The following ANKRD40 variants were observed in gnomAD, a reference collection of about 807,000 sequenced individuals.
ANKRD40 encodes the protein ankyrin repeat domain 40.
Under a neutral mutation model 35.5 loss-of-function variants are expected in ANKRD40, and 24 were observed. The observed-to-expected ratio is 0.68, with a 90% CI of 0.49 to 0.95. ANKRD40 has a LOEUF of 0.95. Ranked by LOEUF, ANKRD40 falls within the 40% of genes least tolerant of loss-of-function variation. The pLI is 0.00. For missense variants in ANKRD40, 361 were observed against 436.0 expected (o/e 0.83, Z 1.53); for synonymous variants, 147 against 173.5 (o/e 0.85, Z 1.20).
chr17:50,697,237 T>G, intron 3 of ANKRD40, 116 bp from the exon 4 acceptor site: 4 of 997,980 alleles, frequency 4.0e-6, no homozygotes, highest in Non-Finnish European at 5.7e-6. Context: ...TGTGCATGAT[T>G]AACAGACCTG....
chr17:50,697,158 G>T, intron 3 of ANKRD40, 37 bp from the exon 4 acceptor site: 2 of 1,557,426 alleles, frequency 1.3e-6, no homozygotes, highest in Non-Finnish European at 8.8e-7. Context: ...GAATAGTTCT[G>T]GCACAGCACA....
intron 3 of ANKRD40, among the ~76,000 whole-genome samples, chr17:50,697,796 C>G (rs1187107288): frequency 6.6e-6 from 1 of 152,096 alleles, no homozygotes; most frequent in Admixed American, 6.6e-5. Context: ...GCTTTGTTCC[C>G]TGTATATGAA....
Position 50,694,488 on chromosome 17 carries a change from A to G in ANKRD40, c.*1509T>C, listed in dbSNP as rs1163938201. 1 of 152,232 alleles carries G rather than the reference A, an allele frequency of 6.6e-6. No individual in the cohort carries two copies. Among genetic ancestry groups the G allele is most frequent in the Non-Finnish European group, 1.5e-5 (1 of 68,036 alleles). 9.4% of individuals were successfully genotyped at this position (152,232 alleles called of 1,614,324 possible). On this transcript the variant is annotated 3_prime_UTR_variant, in exon 5 of 5. Coordinates refer to ENST00000285243, the MANE Select transcript of ANKRD40 (RefSeq NM_052855.4). ...TTTGGAAACTATAGGCACTATGGGG[A>G]AAAAGCTTCTTAAGACAGCAGGGAT... is the stretch of plus-strand genomic sequence containing the variant.
At position 50,699,402 on chromosome 17, in the gene ANKRD40, G is replaced by T; in HGVS notation, c.775C>A (p.Gln259Lys). ...FFTGAFPFNM[Q>K]ELVLKVRIQN... is the part of the protein sequence containing the mutation. ...CTGTTTGCTGATGAGGGGTTACCTTGCATATTAAATGGAAATGCTCCAGTG... is the reference window on the plus strand; with the variant it reads ...CTGTTTGCTGATGAGGGGTTACCTTTCATATTAAATGGAAATGCTCCAGTG... The change falls in exon 3 of 5, where the codon CAA (glutamine) becomes AAA (lysine). Residue 259 changes from glutamine to lysine, a missense_variant. Gln to Lys is a moderately conservative substitution (Grantham distance 53, BLOSUM62 1). Around this residue, in one of 5 missense-constraint regions of ANKRD40, gnomAD observed 93 missense variants for 129.6 expected, o/e 0.72. Coordinates refer to ENST00000285243, the MANE Select transcript of ANKRD40 (RefSeq NM_052855.4). 3 of 1,613,232 alleles carry T rather than the reference G, an allele frequency of 1.9e-6. No individual in the cohort carries two copies. The highest frequency in any genetic ancestry group is 2.5e-6 in the Non-Finnish European group (3 of 1,179,326).
At chr17:50,700,324 T>C in intron 2 of ANKRD40, 1 of 372,562 alleles carries the variant, frequency 2.7e-6, no homozygotes, top group Non-Finnish European at 4.8e-6. Context: ...ATGCCTGTAA[T>C]CCTAGCTACT....
Position 50,700,610 on chromosome 17 carries a change from C to T in ANKRD40, c.241G>A (p.Val81Ile). 6.2e-7 allele frequency: 1 copy of T among 1,614,118 alleles called. No individual in the cohort carries two copies. The highest frequency in any genetic ancestry group is 8.5e-7 in the Non-Finnish European group (1 of 1,180,032). ...EILTTKGEMP[V>I]QLTSRREIRK... ...ATTTCTCTCCTTGATGTTAACTGGA[C>T]TGGCATTTCTCCTTTTGTGGTAAGA... The change falls in exon 2 of 5, where the codon GTC becomes ATC. Residue 81 changes from valine to isoleucine, a missense_variant. By Grantham distance (29) the Val-to-Ile change is conservative. Coordinates refer to ENST00000285243, the MANE Select transcript of ANKRD40 (RefSeq NM_052855.4).
At chr17:50,699,154 G>A (rs747729353) in intron 3 of ANKRD40, among the ~76,000 whole-genome samples, 1 of 151,940 alleles carries the variant, frequency 6.6e-6, no homozygotes, top group African/African-American at 2.4e-5. Flanking sequence ...GCGAAGCTAC[G>A]TCTCAATAAA....
chr17:50,704,036 G>A (rs1255434741), intron 1 of ANKRD40, among the ~76,000 whole-genome samples: 1 of 151,910 alleles, frequency 6.6e-6, no homozygotes, highest in Non-Finnish European at 1.5e-5. Context: ...CTGACTGGAT[G>A]TCGGCTATGA....
chr17:50,697,261 C>A, intron 3 of ANKRD40, 140 bp from the exon 4 acceptor site: 1 of 816,206 alleles, frequency 1.2e-6, no homozygotes, highest in Non-Finnish European at 1.8e-6. Flanking sequence ...GGTGGGAAAA[C>A]CAAGTGCAGC....
chr17:50,699,281 A>T (rs777907118), intron 3 of ANKRD40, 118 bp downstream of exon 3: 36 of 1,353,308 alleles, frequency 2.7e-5, no homozygotes, highest in Non-Finnish European at 3.5e-5. Flanking sequence ...GGAGTTCCTT[A>T]TGTTAGTCAT....
chr17:50,698,835 TG>T (rs1968230007), intron 3 of ANKRD40, among the ~76,000 whole-genome samples: 1 of 152,016 alleles, frequency 6.6e-6, no homozygotes, highest in Admixed American at 6.6e-5. Context: ...TCATTTGTAC[TG>T]TAGTTATATA....
chr17:50,700,462 A>G (rs974569059), intron 2 of ANKRD40, 106 bp downstream of exon 2: 1 of 1,192,726 alleles, frequency 8.4e-7, no homozygotes, highest in Admixed American at 2.6e-5. Flanking sequence ...AAAAAAAAAG[A>G]AAGAAATAGA....
At chr17:50,704,441 A>T (rs1194687326) in intron 1 of ANKRD40, among the ~76,000 whole-genome samples, 1 of 145,820 alleles carries the variant, frequency 6.9e-6, no homozygotes, top group African/African-American at 2.6e-5. Context: ...GCTTGAACCC[A>T]GGAGGTGGAG....
chr17:50,696,468 T>C (rs759767907), intron 4 of ANKRD40, among the ~76,000 whole-genome samples: 2 of 152,220 alleles, frequency 1.3e-5, no homozygotes, highest in Non-Finnish European at 2.9e-5. Flanking sequence ...GGACCACACA[T>C]GCATCTATGT....
intron 4 of ANKRD40, chr17:50,696,604 G>C: frequency 4.2e-6 from 1 of 238,022 alleles, no homozygotes; most frequent in Non-Finnish European, 8.1e-6. Context: ...TGATAATTCA[G>C]AAACTTCTCT....
At chr17:50,704,129 C>T (rs1022490361) in intron 1 of ANKRD40, among the ~76,000 whole-genome samples, 1 of 151,878 alleles carries the variant, frequency 6.6e-6, no homozygotes, top group African/African-American at 2.4e-5. Flanking sequence ...CTCAGAGGAG[C>T]AGGCTTGAGG....
rs758825406 is a variant in ANKRD40, at chr17:50,697,007, C to T, written c.893G>A (p.Cys298Tyr). 1 of 1,614,112 alleles carries T rather than the reference C, an allele frequency of 6.2e-7. No homozygotes were observed. Among genetic ancestry groups the T allele is most frequent in the Non-Finnish European group, 8.5e-7 (1 of 1,179,990 alleles). The change falls in exon 4 of 5, where the codon TGT becomes TAT. Residue 298 changes from cysteine to tyrosine, a missense_variant. Physicochemically the swap from Cys to Tyr is radical, Grantham distance 194. Coordinates refer to ENST00000285243, the MANE Select transcript of ANKRD40 (RefSeq NM_052855.4). ...TYQELLRVCC[C>Y]ELGVNPDQVE... ...TTGATCTGGATTAACACCCAGCTCA[C>T]AGCAACACACTCTGAGCAACTCTTG...
chr17:50,696,137 C>T lies in ANKRD40; in HGVS notation c.967G>A (p.Asp323Asn), dbSNP rs1288341893. The T allele has an allele frequency of 6.2e-7, 1 of 1,613,602 alleles. No individual in the cohort carries two copies. The highest frequency in any genetic ancestry group is 1.3e-5 in the African/African-American group (1 of 74,894). The change falls in exon 5 of 5, where the codon GAT (aspartate) becomes AAT (asparagine). Residue 323 changes from aspartate (D) to asparagine (N), a missense_variant. Asp to Asn is a conservative substitution (Grantham distance 23). Around this residue, in one of 5 missense-constraint regions of ANKRD40, gnomAD observed 93 missense variants for 129.6 expected, o/e 0.72. Coordinates refer to ENST00000285243, the MANE Select transcript of ANKRD40 (RefSeq NM_052855.4). Reference sequence around the variant, plus strand: ...TGGAAATCTTGGAGTCGAGCAACATCCTTGTCCTAAAACAAAAATATGTTA... The same window carrying T: ...TGGAAATCTTGGAGTCGAGCAACATTCTTGTCCTAAAACAAAAATATGTTA... Reference protein sequence around the residue: ...LPNTLLRKDKDVARLQDFQEL... With the variant: ...LPNTLLRKDKNVARLQDFQEL...
At chr17:50,703,292 C>T (rs980420797) in intron 1 of ANKRD40, among the ~76,000 whole-genome samples, 1 of 152,138 alleles carries the variant, frequency 6.6e-6, no homozygotes, top group African/African-American at 2.4e-5. Flanking sequence ...CATGTATTAA[C>T]TTATTTAATC....
Sources: allele counts gnomAD v4.1 joint callset (sites outside exome capture counted in the v4.1 genomes callset), GRCh38; gene constraint gnomAD v4.1.1; regional missense constraint gnomAD v4.1.1; transcripts MANE v1.5; gene names NCBI Gene and HGNC (gene_info 2026-07-23, HGNC 2026-07-21).